HFM1: variants seen among roughly 807,000 people sequenced by gnomAD.
HFM1 encodes the protein helicase for meiosis 1.
HFM1 carries 169 observed loss-of-function variants against 192.1 expected under a neutral mutation model. That is an observed-to-expected ratio of 0.88 (90% confidence interval 0.78 to 1.00). The LOEUF (loss-of-function observed/expected upper bound fraction) is 1.00. Among genes scored for constraint, HFM1 ranks in the 50% least tolerant of loss-of-function variants. HFM1 has a pLI of 0.00. For missense variants in HFM1, 1,661 were observed against 1,668.0 expected (o/e 1.00, Z 0.07); for synonymous variants, 525 against 537.8 (o/e 0.98, Z 0.33).
chr1:91,347,051 A>G lies in HFM1; in HGVS notation c.2254+378T>C, dbSNP rs181745189. ...TTGAGCTCAGGAGTTCAAGGTTACAATGAGCTATGATCACGCCACTGCATT... is the reference window on the plus strand; with the variant it reads ...TTGAGCTCAGGAGTTCAAGGTTACAGTGAGCTATGATCACGCCACTGCATT... On this transcript the variant is annotated intron_variant, in intron 19 of 38. Coordinates refer to ENST00000370425, the MANE Select transcript of HFM1 (RefSeq NM_001017975.6). Among the ~76,000 whole-genome samples, 326 of 152,216 alleles carry G rather than the reference A, an allele frequency of 2.1e-3. 1 individual carries two copies. Among genetic ancestry groups the G allele is most frequent in the African/African-American group, 7.4e-3 (309 of 41,548 alleles).
At chr1:91,399,681 C>T (rs1664078505) in intron 2 of HFM1, among the ~76,000 whole-genome samples, 1 of 152,126 alleles carries the variant, frequency 6.6e-6, no homozygotes, top group African/African-American at 2.4e-5. Flanking sequence ...CTTCAAATGC[C>T]CACTTCTTCT....
At chr1:91,359,144 A>T (rs914596111) in intron 13 of HFM1, among the ~76,000 whole-genome samples, 18 of 152,208 alleles carry the variant, frequency 1.2e-4, no homozygotes, top group African/African-American at 4.3e-4. Context: ...ATAAGCCCAC[A>T]AAGATGAGAA....
intron 16 of HFM1, 133 bp downstream of exon 16, chr1:91,352,373 C>A (rs1243562712): frequency 3.5e-6 from 2 of 578,812 alleles, no homozygotes; most frequent in Admixed American, 3.7e-5. Flanking sequence ...TTTTATTCCT[C>A]CACTAAAGGT....
intron 4 of HFM1, among the ~76,000 whole-genome samples, chr1:91,392,245 G>A (rs1234772582): frequency 1.2e-4 from 18 of 152,178 alleles, no homozygotes; most frequent in African/African-American, 4.3e-4. Context: ...TCCCATTACT[G>A]GGTATATACC....
chr1:91,328,837 C>T, intron 20 of HFM1: 5 of 1,611,088 alleles, frequency 3.1e-6, no homozygotes, highest in Non-Finnish European at 4.2e-6. Context: ...GCATCCCTTA[C>T]CTTGATGCAC....
At chr1:91,302,794 G>T (rs960934259) in intron 30 of HFM1, among the ~76,000 whole-genome samples, 3 of 144,024 alleles carry the variant, frequency 2.1e-5, no homozygotes, top group Admixed American at 2.1e-4. Context: ...GGGTGGGGGG[G>T]AGGGGGAAGG....
Position 91,319,304 on chromosome 1 carries a change from C to T in HFM1, c.2669G>A (p.Arg890Gln), listed in dbSNP as rs765642526. 7.5e-6 allele frequency: 12 copies of T among 1,609,134 alleles called. No individual in the cohort carries two copies. Among genetic ancestry groups the T allele is most frequent in the South Asian group, 2.2e-5 (2 of 90,990 alleles). The change falls in exon 24 of 39, where the codon CGA becomes CAA. Residue 890 changes from arginine to glutamine, a missense_variant. Coordinates refer to ENST00000370425, the MANE Select transcript of HFM1 (RefSeq NM_001017975.6). ...DTAKIFRHGSRITRWLSDFVA... is the reference protein window; with the variant it reads ...DTAKIFRHGSQITRWLSDFVA... The stretch of plus-strand genomic sequence containing the variant: ...ATCCTGTAACATACATCTTGTAATT[C>T]GGGAGCCATGTCTGAAAATCTTTGC...
intron 35 of HFM1, among the ~76,000 whole-genome samples, chr1:91,266,969 G>GAA (rs1193767580): frequency 6.6e-6 from 1 of 152,118 alleles, no homozygotes; most frequent in African/African-American, 2.4e-5. Flanking sequence ...GCTTCCCTTT[G>GAA]AAATACTCTT....
intron 2 of HFM1, among the ~76,000 whole-genome samples, chr1:91,396,703 A>G (rs775442972): frequency 4.6e-5 from 7 of 152,252 alleles, no homozygotes; most frequent in Non-Finnish European, 8.8e-5. Flanking sequence ...ATAAAAACAA[A>G]GTAGTAAATC....
At chr1:91,406,356 T>A (rs888863204), upstream of HFM1, among the ~76,000 whole-genome samples, 2 of 152,132 alleles carry the variant, frequency 1.3e-5, no homozygotes, top group African/African-American at 2.4e-5. Flanking sequence ...TACAGGGGAG[T>A]CTTACTGTCA....
intron 20 of HFM1, among the ~76,000 whole-genome samples, chr1:91,334,800 G>C (rs751195354): frequency 1.3e-5 from 2 of 151,852 alleles, no homozygotes; most frequent in African/African-American, 4.8e-5. Context: ...GTGGTGGCGG[G>C]CACCTGTAGT....
At chr1:91,274,590 G>T in intron 33 of HFM1, 140 bp downstream of exon 33, 1 of 470,322 alleles carries the variant, frequency 2.1e-6, no homozygotes, top group Non-Finnish European at 3.9e-6. Context: ...CCATTATGAT[G>T]TTATTGCTTC....
intron 2 of HFM1, among the ~76,000 whole-genome samples, chr1:91,400,748 T>C (rs1283517277): frequency 1.3e-5 from 2 of 152,192 alleles, no homozygotes; most frequent in Non-Finnish European, 2.9e-5. Flanking sequence ...CCTTCCAAAG[T>C]GCTGGGATTA....
chr1:91,297,945 G>A (rs1647943383), intron 30 of HFM1, among the ~76,000 whole-genome samples: 2 of 152,218 alleles, frequency 1.3e-5, no homozygotes, highest in African/African-American at 2.4e-5. Flanking sequence ...GACGGAGAAT[G>A]ACTTTGATGA....
chr1:91,343,574 A>T, intron 19 of HFM1, 64 bp from the exon 20 acceptor site: 1 of 634,686 alleles, frequency 1.6e-6, no homozygotes, highest in Non-Finnish European at 2.7e-6. Context: ...AAAATAATTT[A>T]TTATTAAATA....
intron 30 of HFM1, among the ~76,000 whole-genome samples, chr1:91,289,363 T>A (rs1668433348): frequency 6.7e-6 from 1 of 149,164 alleles, no homozygotes; most frequent in Admixed American, 6.7e-5. Flanking sequence ...GAAGAGACGC[T>A]CCTCACTTCC....
chr1:91,394,317 G>A lies in HFM1; in HGVS notation c.270C>T (p.Phe90=). The part of the protein sequence containing the change: ...DTNYISLTQK[F]QFAFPSDKYE... Reference sequence around the variant, plus strand: ...ATTTATCAGAAGGAAAGGCAAACTGGAATTTTTGTGTTAGTGAAATATAAT... The same window carrying A: ...ATTTATCAGAAGGAAAGGCAAACTGAAATTTTTGTGTTAGTGAAATATAAT... Residue 90 remains phenylalanine, a synonymous_variant, in exon 4 of 39, where the codon TTC becomes TTT. Coordinates refer to ENST00000370425, the MANE Select transcript of HFM1 (RefSeq NM_001017975.6). The A allele has an allele frequency of 6.3e-7, 1 of 1,581,660 alleles. No homozygotes were observed. Among genetic ancestry groups the A allele is most frequent in the South Asian group, 1.1e-5 (1 of 90,088 alleles).
intron 20 of HFM1, among the ~76,000 whole-genome samples, chr1:91,340,688 T>C (rs1248372860): frequency 2.6e-5 from 4 of 152,184 alleles, no homozygotes; most frequent in Admixed American, 6.5e-5. Context: ...CCCAACTGTA[T>C]GTTGTCTTCA....
Position 91,394,251 on chromosome 1 carries a change from A to G in HFM1, c.336T>C (p.Asn112=). Residue 112 remains asparagine, a synonymous_variant, in exon 4 of 39, where the codon AAT becomes AAC. Transcript: ENST00000370425. ...GCTTGCCAGCAATATGTGATAAGTC[A>G]TTATTACCTACCCCTTCTAAATTTA... ...DDLNLEGVGN[N]DLSHIAGKLT... is the part of the protein sequence containing the mutation. 1 of 1,599,142 alleles carries G rather than the reference A, an allele frequency of 6.3e-7. No homozygotes were observed. The highest frequency in any genetic ancestry group is 8.6e-7 in the Non-Finnish European group (1 of 1,166,330).
Sources: gnomAD v4.1 joint callset for allele counts (sites outside exome capture counted in the v4.1 genomes callset) on GRCh38, gnomAD v4.1.1 for gene constraint, MANE v1.5 for transcripts, NCBI Gene and HGNC (gene_info 2026-07-23, HGNC 2026-07-21) for gene names.